ERMP1: variants seen among roughly 807,000 people sequenced by gnomAD.
ERMP1 encodes endoplasmic reticulum metallopeptidase 1.
In ERMP1, 86 loss-of-function variants were observed where a neutral mutation model predicts 92.0. The observed-to-expected ratio is 0.93, with a 90% CI of 0.79 to 1.12. The LOEUF is 1.12. Among genes scored for constraint, ERMP1 ranks in the 50% most tolerant of loss-of-function variants. The probability of loss-of-function intolerance (pLI) is 0.00; values close to 1 mark genes in which losing one functional copy is unlikely to be tolerated. For missense variants in ERMP1, 1,342 were observed against 1,116.3 expected, an observed-to-expected ratio of 1.20 and a Z score of -2.88; for synonymous variants, 530 against 412.8, an observed-to-expected ratio of 1.28 and a Z score of -3.44.
At chr9:5,800,099 C>G (rs1307898249) in intron 11 of ERMP1, among the ~76,000 whole-genome samples, 1 of 151,994 alleles carries the variant, frequency 6.6e-6, no homozygotes, top group Non-Finnish European at 1.5e-5. Context: ...GTGACTCTTG[C>G]CCTTAAGGGT....
In ERMP1 at chr9:5,805,621, G is replaced by A. The variant is rs1828839814; in HGVS notation, c.1713C>T (p.Phe571=). 1.9e-6 allele frequency: 3 copies of A among 1,583,210 alleles called. No homozygotes were observed. Among genetic ancestry groups the A allele is most frequent in the Admixed American group, 1.9e-5 (1 of 51,736 alleles). Residue 571 remains phenylalanine (F), a synonymous_variant, in exon 9 of 15, where the codon TTC becomes TTT. Transcript: ENST00000339450. The part of the protein sequence containing the change: ...LLTKLCVHKD[F]KQHGAQGKFI... ...TCAAAAATACCCTACCATGCTGCTT[G>A]AAGTCCTTATGCACACAGAGCTTTG...
Position 5,787,491 on chromosome 9 carries a change from T to C in ERMP1, c.2489A>G (p.Tyr830Cys). The C allele has an allele frequency of 6.2e-7, 1 of 1,614,048 alleles. No individual in the cohort carries two copies. Among genetic ancestry groups the C allele is most frequent in the Non-Finnish European group, 8.5e-7 (1 of 1,179,924 alleles). ...GAGTCCATGGGAGTAAAAGACAAAG[T>C]AGTCTCCTCCTTTACTTGTGACTGG... ...GTPVTSKGGDYFVFYSHGLQA... is the reference protein window; with the variant it reads ...GTPVTSKGGDCFVFYSHGLQA... The change falls in exon 14 of 15, where the codon TAC becomes TGC. Residue 830 changes from tyrosine to cysteine, a missense_variant. Physicochemically the swap from Tyr to Cys is radical, Grantham distance 194. Coordinates refer to ENST00000339450, the MANE Select transcript of ERMP1 (RefSeq NM_024896.3).
At chr9:5,841,282 A>C (rs1830159611) in intron 6 of ERMP1, among the ~76,000 whole-genome samples, 1 of 152,256 alleles carries the variant, frequency 6.6e-6, no homozygotes, top group African/African-American at 2.4e-5. Context: ...AAAGGAATGA[A>C]GTACTGATAC....
intron 4 of ERMP1, among the ~76,000 whole-genome samples, chr9:5,814,699 CAG>C (rs1398796139): frequency 6.6e-6 from 1 of 152,044 alleles, no homozygotes; most frequent in East Asian, 1.9e-4. Context: ...CACTGCACTC[CAG>C]CCTGGGTGAC....
chr9:5,806,936 C>T (rs201080018), intron 8 of ERMP1, among the ~76,000 whole-genome samples: 4 of 152,202 alleles, frequency 2.6e-5, no homozygotes, highest in Non-Finnish European at 2.9e-5. Context: ...AACCCCTCCC[C>T]GCTCCCAACA....
intron 5 of ERMP1, 100 bp downstream of exon 5, chr9:5,812,789 T>A (rs146167449): frequency 7.6e-7 from 1 of 1,311,222 alleles, no homozygotes; most frequent in African/African-American, 1.4e-5. Context: ...ATAAAGAATT[T>A]GATCTCAGAA....
intron 13 of ERMP1, among the ~76,000 whole-genome samples, chr9:5,792,224 T>TA (rs1828227576): frequency 6.6e-6 from 1 of 152,166 alleles, no homozygotes; most frequent in Non-Finnish European, 1.5e-5. Flanking sequence ...AATTTGAACT[T>TA]ACTCTCCAGG....
At chr9:5,835,283 G>A (rs897505089), upstream of ERMP1, among the ~76,000 whole-genome samples, 3 of 152,076 alleles carry the variant, frequency 2.0e-5, no homozygotes, top group African/African-American at 7.2e-5. Context: ...TTAAGGTGGA[G>A]AAACAGAGAA....
intron 5 of ERMP1, among the ~76,000 whole-genome samples, chr9:5,866,600 G>C (rs1280235546): frequency 6.6e-5 from 10 of 152,194 alleles, no homozygotes; most frequent in Non-Finnish European, 1.3e-4. Flanking sequence ...AGATGAACTT[G>C]TAATTTCATA....
At chr9:5,807,842 T>G (rs574697694) in intron 8 of ERMP1, among the ~76,000 whole-genome samples, 1 of 152,234 alleles carries the variant, frequency 6.6e-6, no homozygotes, top group South Asian at 2.1e-4. Flanking sequence ...TCCCCTATAT[T>G]CTTACAGCAT....
At chr9:5,823,838 T>C in intron 4 of ERMP1, 58 bp downstream of exon 4, 2 of 1,193,288 alleles carry the variant, frequency 1.7e-6, no homozygotes, top group Non-Finnish European at 2.5e-6. Flanking sequence ...ATCAAAAACT[T>C]TCTACTTTTA....
At chr9:5,853,638 A>G (rs1386771125) in intron 6 of ERMP1, among the ~76,000 whole-genome samples, 1 of 151,912 alleles carries the variant, frequency 6.6e-6, no homozygotes, top group Non-Finnish European at 1.5e-5. Flanking sequence ...AGAGCCTGGC[A>G]AGGGTCCTAA....
intron 2 of ERMP1, among the ~76,000 whole-genome samples, chr9:5,828,082 T>C (rs1346030165): frequency 6.6e-6 from 1 of 152,234 alleles, no homozygotes; most frequent in Non-Finnish European, 1.5e-5. Flanking sequence ...GGTAGAATAA[T>C]CACTTAAGGA....
chr9:5,856,203 T>G (rs1022821480), intron 6 of ERMP1: 1 of 292,370 alleles, frequency 3.4e-6, no homozygotes, highest in East Asian at 1.4e-4. Context: ...TGGGAGCCAG[T>G]GCTGGGCATA....
At chr9:5,809,181 C>G (rs935229531) in intron 8 of ERMP1, among the ~76,000 whole-genome samples, 1 of 151,976 alleles carries the variant, frequency 6.6e-6, no homozygotes, top group East Asian at 1.9e-4. Flanking sequence ...CCACCTCGCC[C>G]GGCTAATTTT....
At chr9:5,850,911 T>C (rs1442475950) in intron 6 of ERMP1, among the ~76,000 whole-genome samples, 2 of 152,176 alleles carry the variant, frequency 1.3e-5, no homozygotes, top group African/African-American at 4.8e-5. Flanking sequence ...AGAGAATGAA[T>C]GAGGAACAAG....
intron 6 of ERMP1, among the ~76,000 whole-genome samples, chr9:5,841,074 C>T (rs1244111820): frequency 1.3e-5 from 2 of 152,062 alleles, no homozygotes; most frequent in South Asian, 4.2e-4. Context: ...ACATTCATAC[C>T]CTTGCAGGTA....
chr9:5,825,043 T>C (rs1381681125), intron 3 of ERMP1, 49 bp downstream of exon 3: 61 of 1,569,040 alleles, frequency 3.9e-5, no homozygotes, highest in Non-Finnish European at 5.2e-5. Context: ...GCTATTATTA[T>C]TAATCTCATC....
rs980593523 is a variant in ERMP1, at chr9:5,842,044, C to T, written n.3200-8732G>A. On this transcript the variant is annotated intron_variant and non_coding_transcript_variant, in intron 6 of 6. Coordinates refer to the ERMP1 transcript ENST00000690753. ...TGCAGACACAGACCTTCACAGTGAG[C>T]GTTACAGCATATAAAGGTAGTGCGG... 3.3e-5 allele frequency among the ~76,000 whole-genome samples: 5 copies of T among 151,776 alleles called. No individual in the cohort carries two copies. The East Asian group carries it at 9.6e-4, about 29-fold the overall frequency.
Sources: gnomAD v4.1 joint callset for allele counts (sites outside exome capture counted in the v4.1 genomes callset) on GRCh38, gnomAD v4.1.1 for gene constraint, MANE v1.5 for transcripts, NCBI Gene and HGNC (gene_info 2026-07-23, HGNC 2026-07-21) for gene names.